B3GNT4: variants seen among roughly 807,000 people sequenced by gnomAD.
B3GNT4 encodes UDP-GlcNAc:betaGal beta-1,3-N-acetylglucosaminyltransferase 4, also known as N-acetyllactosaminide beta-1,3-N-acetylglucosaminyltransferase 4.
In B3GNT4, 2 loss-of-function variants were observed where a neutral mutation model predicts 2.7. That is an observed-to-expected ratio of 0.73 (90% confidence interval 0.30 to 2.31). B3GNT4 has a LOEUF of 2.31. B3GNT4 is among the 30% of genes most tolerant of loss of function. The pLI is 0.12. For missense variants in B3GNT4, 708 were observed against 490.9 expected (o/e 1.44, Z -4.18); for synonymous variants, 280 against 203.4 (o/e 1.38, Z -3.20).
At chr12:122,204,934 G>T (rs746177697) in intron 2 of B3GNT4, 6 of 511,514 alleles carry the variant, frequency 1.2e-5, no homozygotes, top group Non-Finnish European at 2.1e-5. Flanking sequence ...GGAGGCCGAG[G>T]CCGGAGGATC....
rs35203505 is a variant in B3GNT4 at position 122,206,511 on chromosome 12, T to A, written c.260T>A (p.Leu87Gln). 1 of 1,614,124 alleles carries A rather than the reference T, an allele frequency of 6.2e-7. No homozygotes were observed. ...AACCACACAGTGTCTAGCGCCTCTC[T>A]GTCCCTGCCTAGCCGTCACCGTCTC... ...PPNHTVSSASLSLPSRHRLFL... is the reference protein window; with the variant it reads ...PPNHTVSSASQSLPSRHRLFL... Residue 87 changes from leucine to glutamine, a missense_variant, in exon 3 of 3, where the codon CTG becomes CAG. Physicochemically the swap from Leu to Gln is moderately radical, Grantham distance 113 (BLOSUM62 -2). Coordinates refer to ENST00000324189, the MANE Select transcript of B3GNT4 (RefSeq NM_030765.4).
Position 122,207,012 on chromosome 12 carries a change from G to T in B3GNT4, c.761G>T (p.Arg254Met). The change falls in exon 3 of 3, where the codon AGG becomes ATG. Residue 254 changes from arginine (R) to methionine (M), a missense_variant. Transcript: ENST00000324189. ...GTCATCCGCCAAGCCCTGCCCAACA[G>T]GAACACTAAGGTCAAATACTTCATC... is the stretch of plus-strand genomic sequence containing the variant. ...GDVIRQALPNRNTKVKYFIPP... is the reference protein window; with the variant it reads ...GDVIRQALPNMNTKVKYFIPP... 1 of 1,613,978 alleles carries T rather than the reference G, an allele frequency of 6.2e-7. No individual in the cohort carries two copies.
At chr12:122,204,235 C>T (rs1449125741) in intron 1 of B3GNT4, among the ~76,000 whole-genome samples, 2 of 151,942 alleles carry the variant, frequency 1.3e-5, no homozygotes, top group Non-Finnish European at 2.9e-5. Context: ...TGTGGGGATC[C>T]GAGGCGGCTG....
At position 122,204,561 on chromosome 12, in the gene B3GNT4, C is replaced by T. The variant is rs966936863; in HGVS notation, c.-58C>T. 7.9e-5 allele frequency: 117 copies of T among 1,475,026 alleles called. 1 individual carries two copies. Among genetic ancestry groups the T allele is most frequent in the Non-Finnish European group, 1.0e-4 (110 of 1,064,546 alleles). 91.4% of individuals were successfully genotyped at this position (1,475,026 alleles called of 1,614,324 possible). ...ACACCTGAGACTCATCTCGCTTCGA[C>T]CCCGCCGCCGCCGCCGCCCGGCATC... On this transcript the variant is annotated 5_prime_UTR_variant, in exon 2 of 3. Transcript: ENST00000324189.
In B3GNT4 at chr12:122,208,612, G is replaced by A. The variant is rs201498504; in HGVS notation, c.*1224G>A. 56 of 1,602,666 alleles carry A rather than the reference G, an allele frequency of 3.5e-5. No homozygotes were observed. The highest frequency in any genetic ancestry group is 3.4e-5 in the Admixed American group (2 of 59,300). ...GATGGGACAATCGGGTTGAGCAGCC[G>A]TGCAGGGCGCGGAAGGCTCATGTGG... On this transcript the variant is annotated 3_prime_UTR_variant, in exon 3 of 3. Transcript: ENST00000324189.
intron 2 of B3GNT4, chr12:122,205,016 A>G (rs1361923136): frequency 4.2e-5 from 11 of 262,080 alleles, no homozygotes; most frequent in Middle Eastern, 1.1e-3. Flanking sequence ...GGTGACAGAG[A>G]CACTGTCTCA....
rs781330464 is a variant in B3GNT4 at position 122,207,357 on chromosome 12, A to G, written c.1106A>G (p.Lys369Arg). Residue 369 changes from lysine to arginine, a missense_variant, in exon 3 of 3, where the codon AAG (lysine) becomes AGG (arginine). Physicochemically the swap from Lys to Arg is conservative, Grantham distance 26. Transcript: ENST00000324189. ...GCACTGGTGACAGATGAGGGGCTCA[A>G]GTGTGCAGCTGGCCCCATACCCCAG... is the stretch of plus-strand genomic sequence containing the variant. ...MWALVTDEGL[K>R]CAAGPIPQR is the part of the protein sequence containing the mutation. The G allele has an allele frequency of 6.3e-7, 1 of 1,590,956 alleles. No homozygotes were observed. The highest frequency in any genetic ancestry group is 1.3e-5 in the African/African-American group (1 of 74,440).
In B3GNT4 at chr12:122,207,117, G is replaced by T. The variant is rs141506774; in HGVS notation, c.866G>T (p.Arg289Leu). ...GGYVMSRATV[R>L]RLQAIMEDAE... ...TATGTCATGTCCAGAGCCACAGTGC[G>T]GCGCCTCCAGGCTATCATGGAAGAT... The change falls in exon 3 of 3, where the codon CGG becomes CTG. Residue 289 changes from arginine to leucine, a missense_variant. Arg to Leu is a moderately radical substitution (Grantham distance 102, BLOSUM62 -2). Transcript: ENST00000324189. 9.3e-6 allele frequency: 15 copies of T among 1,614,076 alleles called. No individual in the cohort carries two copies. The highest frequency in any genetic ancestry group is 1.7e-5 in the Admixed American group (1 of 60,018).
chr12:122,207,587 T>A lies in B3GNT4; in HGVS notation c.*199T>A, dbSNP rs546982524. 3 of 658,532 alleles carry A rather than the reference T, an allele frequency of 4.6e-6. No individual in the cohort carries two copies. The East Asian group carries it at 8.2e-5, about 18-fold the overall frequency. The allele number at this position is 658,532 out of a possible 1,614,324, so 40.8% of individuals were successfully genotyped here. On this transcript the variant is annotated 3_prime_UTR_variant, in exon 3 of 3. Coordinates refer to ENST00000324189, the MANE Select transcript of B3GNT4 (RefSeq NM_030765.4). ...ATGGGAGCCAAAGTGTAGCAAATGC[T>A]GCCAGGAACCTGTCGGGGCATTCCG...
rs761148838 is a variant in B3GNT4, at chr12:122,204,579, C to CGCG, written c.-40_-39insGCG. ...GCTTCGACCCCGCCGCCGCCGCCGC[C>CGCG]CGGCATCCTGAGCACGGAGACAGTC... is the stretch of plus-strand genomic sequence containing the variant. On this transcript the variant is annotated 5_prime_UTR_variant, in exon 2 of 3. Transcript: ENST00000324189. 6.4e-7 allele frequency: 1 copy of CGCG among 1,570,518 alleles called. No individual in the cohort carries two copies. Among genetic ancestry groups the CGCG allele is most frequent in the Admixed American group, 1.7e-5 (1 of 59,938 alleles).
Position 122,207,888 on chromosome 12 carries a change from T to C in B3GNT4, c.*500T>C, listed in dbSNP as rs531266663. On this transcript the variant is annotated 3_prime_UTR_variant, in exon 3 of 3. Transcript: ENST00000324189. ...GGCCTCAGCTGTCCTCACAGGACAG[T>C]GGGGGCAGATCAGAGAACACATCAG... 8.7e-6 allele frequency: 4 copies of C among 460,146 alleles called. No individual in the cohort carries two copies. In the East Asian group the frequency reaches 2.8e-4, roughly 32 times the overall value. 28.5% of individuals were successfully genotyped at this position (460,146 alleles called of 1,614,324 possible).
At position 122,207,136 on chromosome 12, in the gene B3GNT4, G is replaced by A. The variant is rs761968464; in HGVS notation, c.885G>A (p.Met295Ile). The change falls in exon 3 of 3, where the codon ATG (methionine) becomes ATA (isoleucine). Residue 295 changes from methionine to isoleucine, a missense_variant. Met to Ile is a conservative substitution (Grantham distance 10). Transcript: ENST00000324189. The stretch of plus-strand genomic sequence containing the variant: ...CAGTGCGGCGCCTCCAGGCTATCAT[G>A]GAAGATGCTGAACTCTTCCCCATTG... ...RATVRRLQAIMEDAELFPIDD... is the reference protein window; with the variant it reads ...RATVRRLQAIIEDAELFPIDD... 1.2e-6 allele frequency: 2 copies of A among 1,614,106 alleles called. No individual in the cohort carries two copies. The highest frequency in any genetic ancestry group is 1.7e-6 in the Non-Finnish European group (2 of 1,180,018).
chr12:122,208,421 C>T lies in B3GNT4; in HGVS notation c.*1033C>T, dbSNP rs749282754. ...GTAGGCCTCCTGCTCCGACTCAGCC[C>T]GCTCCTCCCCTTCCTCCTGTGTTTT... On this transcript the variant is annotated 3_prime_UTR_variant, in exon 3 of 3. Transcript: ENST00000324189. 3.7e-6 allele frequency: 6 copies of T among 1,613,474 alleles called. No homozygotes were observed. Among genetic ancestry groups the T allele is most frequent in the Admixed American group, 3.3e-5 (2 of 60,018 alleles).
Position 122,208,922 on chromosome 12 carries a change from T to C in B3GNT4, c.*1534T>C, listed in dbSNP as rs1791366417. 2.6e-6 allele frequency: 1 copy of C among 382,430 alleles called. No homozygotes were observed. The highest frequency in any genetic ancestry group is 3.6e-5 in the Admixed American group (1 of 27,978). 23.7% of individuals were successfully genotyped at this position (382,430 alleles called of 1,614,324 possible). On this transcript the variant is annotated 3_prime_UTR_variant, in exon 3 of 3. Coordinates refer to ENST00000324189, the MANE Select transcript of B3GNT4 (RefSeq NM_030765.4). ...CTTCCATTTCTTTTTGACAAAGAGA[T>C]CATGAATAAAATTGTCAAAGATCCC...
At position 122,206,953 on chromosome 12, in the gene B3GNT4, C is replaced by T. The variant is rs1299018615; in HGVS notation, c.702C>T (p.Gly234=). Residue 234 remains glycine (G), a synonymous_variant, in exon 3 of 3, where the codon GGC becomes GGT. Transcript: ENST00000324189. The part of the protein sequence containing the change: ...HVPNVLEFLD[G]WDPAQDLLVG... The stretch of plus-strand genomic sequence containing the variant: ...CCAACGTGTTAGAGTTCCTGGATGG[C>T]TGGGACCCAGCCCAGGACCTCCTGG... The T allele has an allele frequency of 1.2e-6, 2 of 1,613,004 alleles. No homozygotes were observed. Among genetic ancestry groups the T allele is most frequent in the Non-Finnish European group, 1.7e-6 (2 of 1,179,090 alleles).
chr12:122,205,400 T>G (rs1953901374), intron 2 of B3GNT4: 1 of 152,404 alleles, frequency 6.6e-6, no homozygotes, highest in Non-Finnish European at 1.5e-5. Flanking sequence ...ACCTAGCAGT[T>G]GCTTTTCTGG....
rs909360187 is a variant in B3GNT4, at chr12:122,207,615, C to A, written c.*227C>A. On this transcript the variant is annotated 3_prime_UTR_variant, in exon 3 of 3. Coordinates refer to ENST00000324189, the MANE Select transcript of B3GNT4 (RefSeq NM_030765.4). ...CAGGAACCTGTCGGGGCATTCCGGG[C>A]GCTGCCTGGGGCGCTGCAGTCTGGG... The A allele has an allele frequency of 1.6e-6, 1 of 627,690 alleles. No homozygotes were observed. Among genetic ancestry groups the A allele is most frequent in the South Asian group, 1.8e-5 (1 of 54,494 alleles). 38.9% of individuals were successfully genotyped at this position (627,690 alleles called of 1,614,324 possible).
In B3GNT4 at chr12:122,204,553, C is replaced by G; in HGVS notation, c.-66C>G. ...GTGCTCGCACACCTGAGACTCATCT[C>G]GCTTCGACCCCGCCGCCGCCGCCGC... On this transcript the variant is annotated 5_prime_UTR_variant, in exon 2 of 3. Coordinates refer to ENST00000324189, the MANE Select transcript of B3GNT4 (RefSeq NM_030765.4). 1 of 1,380,826 alleles carries G rather than the reference C, an allele frequency of 7.2e-7. No homozygotes were observed. The highest frequency in any genetic ancestry group is 1.0e-6 in the Non-Finnish European group (1 of 981,884). The allele number at this position is 1,380,826 out of a possible 1,614,324, so 85.5% of individuals were successfully genotyped here. A position where few individuals can be genotyped will look rare whatever the true frequency, so the allele number is the denominator to read the frequency against.
rs1398754645 is a variant in B3GNT4 at position 122,204,572 on chromosome 12, C to G, written c.-47C>G. On this transcript the variant is annotated 5_prime_UTR_variant, in exon 2 of 3. Coordinates refer to ENST00000324189, the MANE Select transcript of B3GNT4 (RefSeq NM_030765.4). ...TCATCTCGCTTCGACCCCGCCGCCG[C>G]CGCCGCCCGGCATCCTGAGCACGGA... The G allele has an allele frequency of 6.4e-7, 1 of 1,550,898 alleles. No individual in the cohort carries two copies. The highest frequency in any genetic ancestry group is 1.4e-5 in the African/African-American group (1 of 73,654).
Sources: gnomAD v4.1 joint callset for allele counts (sites outside exome capture counted in the v4.1 genomes callset) on GRCh38, gnomAD v4.1.1 for gene constraint, MANE v1.5 for transcripts, NCBI Gene and HGNC (gene_info 2026-07-23, HGNC 2026-07-21) for gene names.